The following TFEC variants were observed in gnomAD, a reference collection of about 807,000 sequenced individuals.
TFEC encodes transcription factor EC, also known as class E basic helix-loop-helix protein 34.
TFEC carries 31 observed loss-of-function variants against 41.6 expected under a neutral mutation model. The ratio of observed to expected loss-of-function variants is 0.74; its 90% CI spans 0.56 to 1.01. The LOEUF (loss-of-function observed/expected upper bound fraction) is 1.01. TFEC is among the 50% of genes least tolerant of loss of function. TFEC has a pLI of 0.00. For missense variants in TFEC, 402 were observed against 404.1 expected (o/e 0.99, Z 0.04); for synonymous variants, 143 against 140.6 (o/e 1.02, Z -0.12).
upstream of TFEC, among the ~76,000 whole-genome samples, chr7:116,034,498 A>C (rs1483695448): frequency 6.6e-6 from 1 of 151,814 alleles, no homozygotes; most frequent in African/African-American, 2.4e-5. Context: ...ATACCCTTCA[A>C]CGTGTCCATC....
intron 1 of TFEC, among the ~76,000 whole-genome samples, chr7:116,029,934 C>T (rs963241070): frequency 4.0e-5 from 6 of 150,936 alleles, no homozygotes; most frequent in African/African-American, 9.7e-5. Flanking sequence ...GGTGTGGTGG[C>T]GCATGCCTGT....
intron 1 of TFEC, among the ~76,000 whole-genome samples, chr7:116,023,450 T>TA (rs780637175): frequency 1.3e-4 from 20 of 152,192 alleles, no homozygotes; most frequent in Non-Finnish European, 2.4e-4. Context: ...ACTGATTTCA[T>TA]AGTGTTTTCT....
intron 3 of TFEC, among the ~76,000 whole-genome samples, chr7:116,083,794 TCTC>T: frequency 6.6e-6 from 1 of 152,048 alleles, no homozygotes; most frequent in East Asian, 1.9e-4. Context: ...AATCTGCTAT[TCTC>T]CTTCTTCAAA....
intron 1 of TFEC, among the ~76,000 whole-genome samples, chr7:116,113,115 T>C (rs1341431547): frequency 6.6e-6 from 1 of 151,998 alleles, no homozygotes; most frequent in Non-Finnish European, 1.5e-5. Flanking sequence ...CCTCTTACTT[T>C]AATGATTTTT....
chr7:115,990,534 T>C (rs1046704113), intron 1 of TFEC, among the ~76,000 whole-genome samples: 5 of 152,100 alleles, frequency 3.3e-5, no homozygotes, highest in East Asian at 1.9e-4. Flanking sequence ...AGAGAAGACC[T>C]TGAATGACCT....
At chr7:115,996,574 T>C (rs1350937984) in intron 1 of TFEC, among the ~76,000 whole-genome samples, 1 of 151,900 alleles carries the variant, frequency 6.6e-6, no homozygotes, top group Non-Finnish European at 1.5e-5. Context: ...GAAGACTTTG[T>C]CTTGCATCTT....
At chr7:116,148,520 A>G (rs1798689238) in intron 1 of TFEC, among the ~76,000 whole-genome samples, 1 of 152,160 alleles carries the variant, frequency 6.6e-6, no homozygotes, top group Admixed American at 6.6e-5. Flanking sequence ...AAATGGTGAG[A>G]GGTGGCTGGA....
At chr7:116,109,970 G>T (rs1033400653) in intron 3 of TFEC, among the ~76,000 whole-genome samples, 1 of 152,008 alleles carries the variant, frequency 6.6e-6, no homozygotes, top group Admixed American at 6.6e-5. Context: ...GCAAACTATT[G>T]CAAGGACAAA....
chr7:116,127,732 A>T (rs1390540288), intron 1 of TFEC, among the ~76,000 whole-genome samples: 1 of 151,998 alleles, frequency 6.6e-6, no homozygotes, highest in Admixed American at 6.6e-5. Flanking sequence ...GGGAATAAAA[A>T]GGCAACTTAT....
intron 1 of TFEC, among the ~76,000 whole-genome samples, chr7:116,019,989 A>G (rs767338853): frequency 1.3e-5 from 2 of 152,214 alleles, no homozygotes; most frequent in Non-Finnish European, 2.9e-5. Context: ...TGAATTGCTA[A>G]TAATTACTGA....
intron 1 of TFEC, among the ~76,000 whole-genome samples, chr7:116,004,327 G>T (rs1164058144): frequency 6.6e-6 from 1 of 152,058 alleles, no homozygotes; most frequent in African/African-American, 2.4e-5. Context: ...CATGAAAGGG[G>T]TAATAAGTGA....
intron 3 of TFEC, among the ~76,000 whole-genome samples, chr7:116,052,722 C>T (rs899812442): frequency 6.6e-6 from 1 of 151,510 alleles, no homozygotes; most frequent in African/African-American, 2.4e-5. Flanking sequence ...CCACCGTGCC[C>T]AGCAACATCT....
chr7:116,129,586 CTTTTTTTTTT>C (rs932837265), intron 1 of TFEC, among the ~76,000 whole-genome samples: 2 of 106,890 alleles, frequency 1.9e-5, no homozygotes, highest in Middle Eastern at 0.011. Flanking sequence ...AATATTCTTA[CTTTTTTTTTT>C]TTTTTTTTTT....
At chr7:116,098,339 A>G (rs1797519148) in intron 3 of TFEC, among the ~76,000 whole-genome samples, 1 of 152,036 alleles carries the variant, frequency 6.6e-6, no homozygotes, top group Non-Finnish European at 1.5e-5. Context: ...TTTCTATTTT[A>G]GTAGAGATGG....
In TFEC at chr7:115,940,587, TCTC is replaced by T. The variant is rs1448584039; in HGVS notation, c.1005_1007del (p.Arg336del). 5 of 1,612,978 alleles carry T rather than the reference TCTC, an allele frequency of 3.1e-6. No homozygotes were observed. In the African/African-American group the frequency reaches 5.3e-5, roughly 17 times the overall value. On this transcript the variant is annotated inframe_deletion, in exon 8 of 8. Transcript: ENST00000265440. ...CACCATCATCTGAGCTAAAGCTACT[TCTC>T]CTACTGCTTTCTTTGGAAACTGCAG...
chr7:115,963,618 G>A (rs1792684045), intron 3 of TFEC, among the ~76,000 whole-genome samples: 1 of 151,698 alleles, frequency 6.6e-6, no homozygotes, highest in South Asian at 2.1e-4. Flanking sequence ...TGCAACATGG[G>A]TGAAACTTGA....
intron 1 of TFEC, chr7:116,157,283 T>C (rs1798889413): frequency 6.6e-6 from 1 of 152,154 alleles, no homozygotes; most frequent in African/African-American, 2.4e-5. Context: ...CTCTTTTCCT[T>C]TGTCTTCCTT....
At chr7:115,966,668 A>T (rs1461730818) in intron 3 of TFEC, among the ~76,000 whole-genome samples, 1 of 151,768 alleles carries the variant, frequency 6.6e-6, no homozygotes, top group Non-Finnish European at 1.5e-5. Flanking sequence ...TTTATTATCT[A>T]CCCTATAGGT....
chr7:115,995,733 C>A (rs1794338792), intron 1 of TFEC, among the ~76,000 whole-genome samples: 5 of 152,208 alleles, frequency 3.3e-5, no homozygotes, highest in Admixed American at 3.3e-4. Context: ...TTCCCTCCCC[C>A]AACCCTGACA....
Sources: gnomAD v4.1 joint callset for allele counts (sites outside exome capture counted in the v4.1 genomes callset) on GRCh38, gnomAD v4.1.1 for gene constraint, MANE v1.5 for transcripts, NCBI Gene and HGNC (gene_info 2026-07-23, HGNC 2026-07-21) for gene names.